ZSCAN5A: variants seen among roughly 807,000 people sequenced by gnomAD.
ZSCAN5A encodes the protein zinc finger and SCAN domain containing 5A.
ZSCAN5A carries 12 observed loss-of-function variants against 23.7 expected under a neutral mutation model. The observed-to-expected ratio is 0.51, with a 90% confidence interval of 0.32 to 0.82. The LOEUF (loss-of-function observed/expected upper bound fraction) is 0.82, where lower values mean the gene tolerates loss of function less well. Among genes scored for constraint, ZSCAN5A ranks in the 40% least tolerant of loss-of-function variants. The probability of loss-of-function intolerance (pLI) is 0.03; values close to 1 mark genes in which losing one functional copy is unlikely to be tolerated. For synonymous variants in ZSCAN5A, 257 were observed against 239.9 expected (o/e 1.07, Z -0.66); for missense variants, 597 against 617.9 (o/e 0.97, Z 0.36).
intron 2 of ZSCAN5A, chr19:56,321,412 T>C: frequency 3.0e-6 from 2 of 658,518 alleles, no homozygotes; most frequent in Non-Finnish European, 5.6e-6. Context: ...ATCATCTATT[T>C]TGCACACAGA....
At chr19:56,294,524 TA>T (rs554858013) in intron 2 of ZSCAN5A, among the ~76,000 whole-genome samples, 98 of 152,318 alleles carry the variant, frequency 6.4e-4, no homozygotes, top group African/African-American at 2.3e-3. Flanking sequence ...CGCTAAATAG[TA>T]AACATCTTAG....
chr19:56,247,943 C>G (rs10853888), intron 2 of ZSCAN5A, among the ~76,000 whole-genome samples: 78,863 of 151,862 alleles, frequency 0.52, 22,673 homozygotes, highest in Non-Finnish European at 0.66. Flanking sequence ...GCCCGCCTCA[C>G]CCTCCCAAAG....
chr19:56,293,164 G>A (rs540864384), intron 2 of ZSCAN5A, among the ~76,000 whole-genome samples: 120 of 152,264 alleles, frequency 7.9e-4, no homozygotes, highest in African/African-American at 2.8e-3. Flanking sequence ...ATTGAAAAAT[G>A]GTATCCTGCA....
At chr19:56,305,368 T>C (rs933033466) in intron 2 of ZSCAN5A, among the ~76,000 whole-genome samples, 3 of 152,224 alleles carry the variant, frequency 2.0e-5, no homozygotes, top group Non-Finnish European at 4.4e-5. Context: ...GGTTTATTCA[T>C]TTGGCATAAT....
chr19:56,353,601 AC>A (rs1164844826), intron 2 of ZSCAN5A, among the ~76,000 whole-genome samples: 1 of 151,330 alleles, frequency 6.6e-6, no homozygotes, highest in Non-Finnish European at 1.5e-5. Flanking sequence ...CGGCGGTGAA[AC>A]CCCGTCTCTA....
chr19:56,305,136 T>G (rs1439528217), intron 2 of ZSCAN5A, among the ~76,000 whole-genome samples: 1 of 152,192 alleles, frequency 6.6e-6, no homozygotes, highest in Non-Finnish European at 1.5e-5. Context: ...CGACATAAAA[T>G]TAACCATTAG....
chr19:56,248,004 A>G (rs2036071952), intron 2 of ZSCAN5A, among the ~76,000 whole-genome samples: 1 of 152,172 alleles, frequency 6.6e-6, no homozygotes, highest in South Asian at 2.1e-4. Context: ...CTTTCAATAA[A>G]CAAACATCTA....
intron 2 of ZSCAN5A, among the ~76,000 whole-genome samples, chr19:56,293,724 G>A (rs536971907): frequency 6.6e-6 from 1 of 152,294 alleles, no homozygotes; most frequent in Admixed American, 6.5e-5. Context: ...GGGGACACCT[G>A]GCAATGCCTA....
intron 2 of ZSCAN5A, among the ~76,000 whole-genome samples, chr19:56,349,739 A>C (rs1029221479): frequency 2.7e-5 from 4 of 148,320 alleles, no homozygotes; most frequent in Admixed American, 1.3e-4. Flanking sequence ...AAAGTAGAAG[A>C]TCTTAAGCTG....
At chr19:56,250,209 A>G (rs1337481589) in intron 2 of ZSCAN5A, among the ~76,000 whole-genome samples, 1 of 152,216 alleles carries the variant, frequency 6.6e-6, no homozygotes, top group Non-Finnish European at 1.5e-5. Context: ...GACCTGCTCA[A>G]GAGCGACTCC....
At chr19:56,279,109 T>C (rs1022619837) in intron 2 of ZSCAN5A, among the ~76,000 whole-genome samples, 1 of 152,170 alleles carries the variant, frequency 6.6e-6, no homozygotes, top group East Asian at 1.9e-4. Flanking sequence ...TACTGAAGCA[T>C]TGAGAATAAA....
chr19:56,245,936 G>A (rs976202951), intron 2 of ZSCAN5A, among the ~76,000 whole-genome samples: 5 of 152,194 alleles, frequency 3.3e-5, no homozygotes, highest in Non-Finnish European at 5.9e-5. Context: ...GCACAGGAGC[G>A]CCCCCTCCAG....
chr19:56,293,279 A>T (rs1328842211), intron 2 of ZSCAN5A, among the ~76,000 whole-genome samples: 1 of 152,194 alleles, frequency 6.6e-6, no homozygotes, highest in Non-Finnish European at 1.5e-5. Flanking sequence ...CTGTGGTAAG[A>T]GAGGGAGAGT....
chr19:56,249,943 C>T (rs2036224308), intron 2 of ZSCAN5A, among the ~76,000 whole-genome samples: 4 of 152,148 alleles, frequency 2.6e-5, no homozygotes, highest in Admixed American at 2.6e-4. Flanking sequence ...GTTGAGCTCA[C>T]AGAGGCAGAG....
At chr19:56,228,550 T>A in intron 2 of ZSCAN5A, 1 of 767,452 alleles carries the variant, frequency 1.3e-6, no homozygotes, top group Non-Finnish European at 1.6e-6. Context: ...TCAGAAAATA[T>A]AGATTTGCGA....
At chr19:56,298,410 G>A (rs1339397843) in intron 2 of ZSCAN5A, among the ~76,000 whole-genome samples, 1 of 152,154 alleles carries the variant, frequency 6.6e-6, no homozygotes, top group Non-Finnish European at 1.5e-5. Context: ...GGCCGAGGCA[G>A]GCGGATCACA....
At chr19:56,337,149 G>C (rs1035990360) in intron 2 of ZSCAN5A, among the ~76,000 whole-genome samples, 1 of 152,262 alleles carries the variant, frequency 6.6e-6, no homozygotes, top group East Asian at 1.9e-4. Flanking sequence ...TGTTACTGCT[G>C]CCTTTTGTTT....
intron 2 of ZSCAN5A, among the ~76,000 whole-genome samples, chr19:56,348,728 G>A (rs1212882860): frequency 6.6e-6 from 1 of 152,156 alleles, no homozygotes; most frequent in Non-Finnish European, 1.5e-5. Flanking sequence ...CAGGAAATTA[G>A]CAGGTTATTA....
intron 2 of ZSCAN5A, among the ~76,000 whole-genome samples, chr19:56,330,852 T>C (rs1250348385): frequency 6.6e-6 from 1 of 152,226 alleles, no homozygotes; most frequent in Admixed American, 6.5e-5. Context: ...GCAATAGCTT[T>C]TGAGAACTTA....
Sources: allele counts gnomAD v4.1 joint callset (sites outside exome capture counted in the v4.1 genomes callset), GRCh38; gene constraint gnomAD v4.1.1; transcripts MANE v1.5; gene names NCBI Gene and HGNC (gene_info 2026-07-23, HGNC 2026-07-21).